SMIM45: variants seen among roughly 807,000 people sequenced by gnomAD.
SMIM45 encodes the protein small integral membrane protein 45.
chr22:41,947,184 G>A, the SMIM45 span: 2 of 1,011,508 alleles, frequency 2.0e-6, no homozygotes, highest in African/African-American at 3.3e-5. Context: ...CCTTATAGGC[G>A]GGGCTTCGCG....
chr22:41,958,460 G>A, the SMIM45 span: 6 of 447,298 alleles, frequency 1.3e-5, no homozygotes, highest in African/African-American at 4.1e-5. Context: ...GGATAAGACC[G>A]TGGTAGAGGA....
At chr22:41,953,706 G>C in the SMIM45 span, among the ~76,000 whole-genome samples, 1 of 148,856 alleles carries the variant, frequency 6.7e-6, no homozygotes, top group African/African-American at 2.5e-5. Flanking sequence ...GCATCATCCT[G>C]TCCCTGGAGG....
the SMIM45 span, chr22:41,952,129 G>A: frequency 6.5e-6 from 1 of 152,880 alleles, no homozygotes; most frequent in South Asian, 2.1e-4. Flanking sequence ...CATCCTGAGA[G>A]TGGGGGCTAG....
At chr22:41,957,360 ATT>A in the SMIM45 span, among the ~76,000 whole-genome samples, 157 of 139,014 alleles carry the variant, frequency 1.1e-3, no homozygotes, top group Non-Finnish European at 1.0e-3. Flanking sequence ...CGCCCGGCTA[ATT>A]TTTTTTTTTT....
chr22:41,956,825 G>C, the SMIM45 span, among the ~76,000 whole-genome samples: 1 of 152,242 alleles, frequency 6.6e-6, no homozygotes, highest in Admixed American at 6.5e-5. Flanking sequence ...AAGTCGCTCT[G>C]TTGCCCAGGC....
chr22:41,948,297 T>C, the SMIM45 span, among the ~76,000 whole-genome samples: 10 of 152,168 alleles, frequency 6.6e-5, no homozygotes, highest in African/African-American at 2.4e-4. Flanking sequence ...TCAGCAGTCA[T>C]TCATTCATCA....
At chr22:41,947,091 C>A in the SMIM45 span, 11 of 1,612,592 alleles carry the variant, frequency 6.8e-6, no homozygotes, top group Admixed American at 1.3e-4. Flanking sequence ...GCCGCAGGAC[C>A]AACCGTTGCT....
At chr22:41,948,134 T>C in the SMIM45 span, among the ~76,000 whole-genome samples, 105 of 152,314 alleles carry the variant, frequency 6.9e-4, no homozygotes, top group African/African-American at 2.5e-3. Flanking sequence ...AGTTATATAA[T>C]AACTTGTTCA....
the SMIM45 span, among the ~76,000 whole-genome samples, chr22:41,949,499 TAAG>T: frequency 1.3e-5 from 2 of 151,742 alleles, no homozygotes; most frequent in African/African-American, 2.4e-5. Flanking sequence ...GCAGATGGAG[TAAG>T]AAGAACAGGG....
chr22:41,954,745 T>C, the SMIM45 span, among the ~76,000 whole-genome samples: 1 of 151,992 alleles, frequency 6.6e-6, no homozygotes, highest in Non-Finnish European at 1.5e-5. Context: ...CGGTGGCTCA[T>C]GCCTGTAATC....
At chr22:41,950,774 T>C in the SMIM45 span, among the ~76,000 whole-genome samples, 1 of 152,130 alleles carries the variant, frequency 6.6e-6, no homozygotes, top group Non-Finnish European at 1.5e-5. Context: ...GGTGGGCAGA[T>C]CATGAGGTCA....
the SMIM45 span, among the ~76,000 whole-genome samples, chr22:41,953,595 A>G: frequency 1.3e-5 from 2 of 152,298 alleles, 1 homozygote; most frequent in Middle Eastern, 6.8e-3. Context: ...TTGTGGAGGA[A>G]GTCAAAACAG....
chr22:41,958,387 C>G, the SMIM45 span: 6 of 456,622 alleles, frequency 1.3e-5, no homozygotes, highest in South Asian at 9.3e-5. Context: ...TGGGCCAGAC[C>G]AGCCGCACCC....
the SMIM45 span, among the ~76,000 whole-genome samples, chr22:41,953,393 A>G: frequency 6.6e-6 from 1 of 151,950 alleles, no homozygotes; most frequent in African/African-American, 2.4e-5. Flanking sequence ...GCATCTGCTC[A>G]TTTCATCCTG....
chr22:41,947,156 G>C, the SMIM45 span: 7 of 1,393,524 alleles, frequency 5.0e-6, no homozygotes, highest in Non-Finnish European at 7.0e-6. Flanking sequence ...CTAGAGCGCG[G>C]CCTGGGGGCA....
At chr22:41,952,611 A>T in the SMIM45 span, among the ~76,000 whole-genome samples, 1 of 152,174 alleles carries the variant, frequency 6.6e-6, no homozygotes. Context: ...AGGCCCAGAG[A>T]GGGTGAAGAA....
the SMIM45 span, among the ~76,000 whole-genome samples, chr22:41,953,057 C>T: frequency 6.6e-6 from 1 of 152,174 alleles, no homozygotes; most frequent in African/African-American, 2.4e-5. Flanking sequence ...CGCTCCCCTG[C>T]CCTGGCTGCA....
the SMIM45 span, among the ~76,000 whole-genome samples, chr22:41,954,798 G>C: frequency 6.6e-6 from 1 of 151,970 alleles, no homozygotes; most frequent in African/African-American, 2.4e-5. Flanking sequence ...TTGAGGTCAG[G>C]AGTTTGAGAC....
At chr22:41,952,040 G>C in the SMIM45 span, 2 of 152,496 alleles carry the variant, frequency 1.3e-5, no homozygotes, top group African/African-American at 4.8e-5. Context: ...AGAAGAGAAG[G>C]CTGGTTGCCA....
Sources: gnomAD v4.1 joint callset for allele counts (sites outside exome capture counted in the v4.1 genomes callset) on GRCh38, gnomAD v4.1.1 for gene constraint, MANE v1.5 for transcripts, NCBI Gene and HGNC (gene_info 2026-07-23, HGNC 2026-07-21) for gene names.